BBS9: variants seen among roughly 807,000 people sequenced by gnomAD.
BBS9 encodes the protein Bardet-Biedl syndrome 9.
In BBS9, 89 loss-of-function variants were observed where a neutral mutation model predicts 117.7. That is an observed-to-expected ratio of 0.76 (90% CI 0.64 to 0.90). The LOEUF is 0.90. Ranked by LOEUF, BBS9 falls within the 40% of genes least tolerant of loss-of-function variation. BBS9 has a pLI of 0.00. For missense variants in BBS9, 982 were observed against 1,042.2 expected (o/e 0.94, Z 0.80); for synonymous variants, 379 against 370.9 (o/e 1.02, Z -0.25).
intron 20 of BBS9, among the ~76,000 whole-genome samples, chr7:33,529,559 T>G (rs912441933): frequency 6.6e-6 from 1 of 152,128 alleles, no homozygotes; most frequent in South Asian, 2.1e-4. Context: ...AAAGATAAAG[T>G]AGTGTAACAT....
intron 5 of BBS9, among the ~76,000 whole-genome samples, chr7:33,207,058 T>C (rs1296293127): frequency 6.6e-6 from 1 of 152,232 alleles, no homozygotes; most frequent in African/African-American, 2.4e-5. Context: ...ATAGGTGATA[T>C]TGCATTCTTC....
chr7:33,572,962 C>CA (rs1585310878), intron 21 of BBS9, among the ~76,000 whole-genome samples: 1 of 151,980 alleles, frequency 6.6e-6, no homozygotes, highest in East Asian at 1.9e-4. Flanking sequence ...CAGATTTGAG[C>CA]AGAGGAAAAT....
chr7:33,349,013 CTA>C, intron 12 of BBS9, 53 bp from the exon 13 acceptor site: 1 of 1,230,148 alleles, frequency 8.1e-7, no homozygotes, highest in Non-Finnish European at 1.2e-6. Context: ...TTACGATAGT[CTA>C]TCAGTTTGAA....
Position 33,190,340 on chromosome 7 carries a change from C to A in BBS9, c.442+12749C>A, listed in dbSNP as rs141324927. On this transcript the variant is annotated intron_variant, in intron 5 of 22. Transcript: ENST00000242067. ...GGGGATATTTATATTTTGAGCTTACCTGTTAACACACAACTCAAGAGTTAA... is the reference window on the plus strand; with the variant it reads ...GGGGATATTTATATTTTGAGCTTACATGTTAACACACAACTCAAGAGTTAA... Among the ~76,000 whole-genome samples the A allele has an allele frequency of 2.9e-3, 438 of 152,234 alleles. 3 individuals carry two copies. Among genetic ancestry groups the A allele is most frequent in the African/African-American group, 9.9e-3 (413 of 41,566 alleles).
intron 7 of BBS9, among the ~76,000 whole-genome samples, chr7:33,269,262 C>T (rs1799348500): frequency 6.6e-6 from 1 of 152,118 alleles, no homozygotes; most frequent in African/African-American, 2.4e-5. Context: ...TTCTTGGATC[C>T]ATTGTTTGTT....
chr7:33,186,378 C>T (rs370149584), intron 5 of BBS9, among the ~76,000 whole-genome samples: 5 of 152,144 alleles, frequency 3.3e-5, no homozygotes, highest in African/African-American at 4.8e-5. Context: ...AGGATTTCTA[C>T]CCAGCCTGTC....
intron 19 of BBS9, among the ~76,000 whole-genome samples, chr7:33,484,022 A>C (rs1842801223): frequency 6.6e-6 from 1 of 152,216 alleles, no homozygotes; most frequent in Admixed American, 6.5e-5. Flanking sequence ...AGTAAATGCT[A>C]AATAATTCTT....
intron 19 of BBS9, among the ~76,000 whole-genome samples, chr7:33,440,005 G>T (rs1835926277): frequency 6.6e-6 from 1 of 152,210 alleles, no homozygotes; most frequent in Non-Finnish European, 1.5e-5. Context: ...CTGTATACCA[G>T]GAGAAATTTG....
intron 7 of BBS9, among the ~76,000 whole-genome samples, chr7:33,269,525 G>T (rs1288534377): frequency 6.6e-6 from 1 of 152,100 alleles, no homozygotes; most frequent in Non-Finnish European, 1.5e-5. Context: ...TCTAAGCTGG[G>T]GAGGGAATAT....
At chr7:33,203,390 A>G (rs377460147) in intron 5 of BBS9, among the ~76,000 whole-genome samples, 3 of 152,168 alleles carry the variant, frequency 2.0e-5, no homozygotes, top group South Asian at 4.1e-4. Context: ...ACAGGTTTCC[A>G]GGTGATGCCA....
intron 21 of BBS9, among the ~76,000 whole-genome samples, chr7:33,560,026 A>G (rs1336181963): frequency 6.6e-6 from 1 of 151,838 alleles, no homozygotes; most frequent in Non-Finnish European, 1.5e-5. Context: ...CTGACCCACA[A>G]CACCCCTCTC....
chr7:33,472,811 C>G (rs1249335642), intron 19 of BBS9, among the ~76,000 whole-genome samples: 1 of 152,188 alleles, frequency 6.6e-6, no homozygotes, highest in African/African-American at 2.4e-5. Context: ...GTAGTGAACA[C>G]GTATACTTTA....
At position 33,155,654 on chromosome 7, in the gene BBS9, C is replaced by T; in HGVS notation, c.280C>T (p.His94Tyr). ...GKFVSGTEMLHLAVLHSRKLC... is the reference protein window; with the variant it reads ...GKFVSGTEMLYLAVLHSRKLC... Reference sequence around the variant, plus strand: ...GTTTTTCAGAGGTACCGAAATGCTACATTTGGCTGTGTTACATTCTAGAAA... The same window carrying T: ...GTTTTTCAGAGGTACCGAAATGCTATATTTGGCTGTGTTACATTCTAGAAA... The change falls in exon 4 of 23, where the codon CAT becomes TAT. Residue 94 changes from histidine (H) to tyrosine (Y), a missense_variant. Transcript: ENST00000242067. 6.2e-7 allele frequency: 1 copy of T among 1,600,208 alleles called. No homozygotes were observed. The highest frequency in any genetic ancestry group is 8.6e-7 in the Non-Finnish European group (1 of 1,169,092).
intron 9 of BBS9, among the ~76,000 whole-genome samples, chr7:33,285,434 T>G (rs1228990132): frequency 1.3e-5 from 2 of 152,186 alleles, no homozygotes; most frequent in African/African-American, 4.8e-5. Context: ...TCGTATATTT[T>G]TTCTTCCTCT....
intron 5 of BBS9, among the ~76,000 whole-genome samples, chr7:33,186,911 C>T (rs1783229774): frequency 1.3e-5 from 2 of 152,066 alleles, no homozygotes; most frequent in South Asian, 4.1e-4. Flanking sequence ...TGGACATATA[C>T]TAAATCAATT....
At chr7:33,226,129 TG>T (rs1308476695) in intron 5 of BBS9, among the ~76,000 whole-genome samples, 3 of 152,154 alleles carry the variant, frequency 2.0e-5, no homozygotes, top group African/African-American at 7.2e-5. Flanking sequence ...AGATTCTCAC[TG>T]GTGAGTGATT....
At chr7:33,353,933 A>G (rs1350648913) in intron 15 of BBS9, among the ~76,000 whole-genome samples, 1 of 152,114 alleles carries the variant, frequency 6.6e-6, no homozygotes, top group Non-Finnish European at 1.5e-5. Flanking sequence ...TTACATTTTA[A>G]TTAGCTAGAT....
intron 20 of BBS9, among the ~76,000 whole-genome samples, chr7:33,528,204 T>G (rs117492481): frequency 2.0e-3 from 302 of 152,338 alleles, no homozygotes; most frequent in Non-Finnish European, 3.2e-3. Context: ...GAATATGATA[T>G]GAAGGTTGTT....
intron 19 of BBS9, among the ~76,000 whole-genome samples, chr7:33,425,424 G>A (rs1156987667): frequency 6.6e-6 from 1 of 152,192 alleles, no homozygotes; most frequent in African/African-American, 2.4e-5. Flanking sequence ...GTGCCACGGT[G>A]GTTTGCTGCA....
Sources: gnomAD v4.1 joint callset for allele counts (sites outside exome capture counted in the v4.1 genomes callset) on GRCh38, gnomAD v4.1.1 for gene constraint, MANE v1.5 for transcripts, NCBI Gene and HGNC (gene_info 2026-07-23, HGNC 2026-07-21) for gene names.